Variants in NEB observed in about 807,000 individuals in gnomAD.
NEB encodes the protein nebulin.
In NEB, 512 loss-of-function variants were observed where a neutral mutation model predicts 952.2. That is an observed-to-expected ratio of 0.54 (90% CI 0.50 to 0.58). The LOEUF (loss-of-function observed/expected upper bound fraction) is 0.58. NEB is among the 20% of genes least tolerant of loss of function. The pLI, the probability that NEB is intolerant of heterozygous loss-of-function variation, is 0.00. For missense variants in NEB, 8,428 were observed against 9,231.1 expected (o/e 0.91, Z 3.56); for synonymous variants, 2,900 against 3,149.8 (o/e 0.92, Z 2.66).
At position 151,570,220 on chromosome 2, in the gene NEB, A is replaced by G; in HGVS notation, c.17291T>C (p.Met5764Thr). 4.3e-6 allele frequency: 7 copies of G among 1,613,814 alleles called. No individual in the cohort carries two copies. Among genetic ancestry groups the G allele is most frequent in the Non-Finnish European group, 5.9e-6 (7 of 1,179,820 alleles). The change falls in exon 109 of 182, where the codon ATG becomes ACG. Residue 5764 changes from methionine to threonine, a missense_variant. This residue lies in a region of NEB where 3,374 missense variants were observed against 3,651.5 expected (regional missense o/e 0.92). Coordinates refer to ENST00000397345, the MANE Select transcript of NEB (RefSeq NM_001164508.2). ...WKAKIQSPVDMLSILHSKNSQ... is the reference protein window; with the variant it reads ...WKAKIQSPVDTLSILHSKNSQ... Reference sequence around the variant, plus strand: ...ATTTTTAGAGTGCAGGATGGAAAGCATGTCCACAGGGCTCTGGATCTTGGC... The same window carrying G: ...ATTTTTAGAGTGCAGGATGGAAAGCGTGTCCACAGGGCTCTGGATCTTGGC...
chr2:151,554,876 C>T lies in NEB; in HGVS notation c.19428+55G>A, dbSNP rs895731911. 573 of 1,218,160 alleles carry T rather than the reference C, an allele frequency of 4.7e-4. 6 individuals carry two copies. Among genetic ancestry groups the T allele is most frequent in the Middle Eastern group, 9.4e-4 (5 of 5,330 alleles). The allele number at this position is 1,218,160 out of a possible 1,614,324, so 75.5% of individuals were successfully genotyped here. On this transcript the variant is annotated intron_variant, in intron 125 of 181. Coordinates refer to ENST00000397345, the MANE Select transcript of NEB (RefSeq NM_001164508.2). ...CACAACAATGAAATCACATAACGAGCGGCACATTTCTCAGAATGTATCCTA... is the reference window on the plus strand; with the variant it reads ...CACAACAATGAAATCACATAACGAGTGGCACATTTCTCAGAATGTATCCTA...
intron 13 of NEB, among the ~76,000 whole-genome samples, chr2:151,704,359 A>C (rs1420840156): frequency 7.0e-6 from 1 of 142,980 alleles, no homozygotes; most frequent in Non-Finnish European, 1.5e-5. Context: ...AGAGGCAGGC[A>C]GGCCTCCTTG....
chr2:151,677,917 C>A lies in NEB; in HGVS notation c.3526G>T (p.Asp1176Tyr). Residue 1176 changes from aspartate to tyrosine, a missense_variant, in exon 33 of 182, where the codon GAC becomes TAC. Coordinates refer to ENST00000397345, the MANE Select transcript of NEB (RefSeq NM_001164508.2). ...HHYTYLPDAMDLELSKNMMQI... is the reference protein window; with the variant it reads ...HHYTYLPDAMYLELSKNMMQI... ...ATCATGTTCTTAGACAGCTCCAGGT[C>A]CATGGCGTCAGGCAAGTAGGTGTAA... is the stretch of plus-strand genomic sequence containing the variant. 6.2e-7 allele frequency: 1 copy of A among 1,613,456 alleles called. No homozygotes were observed. The highest frequency in any genetic ancestry group is 1.1e-5 in the South Asian group (1 of 91,002).
rs1236974118 is a variant in NEB, at chr2:151,643,264, G to T, written c.8046C>A (p.Thr2682=). The part of the protein sequence containing the change: ...SLEDEKNKRA[T]QILSDHVYRQ... ...GGTAAACATGGTCACTCAAAATCTGGGTGGCTCGTTTATTTTTCTCATCCT... is the reference window on the plus strand; with the variant it reads ...GGTAAACATGGTCACTCAAAATCTGTGTGGCTCGTTTATTTTTCTCATCCT... The change falls in exon 58 of 182, where the codon ACC becomes ACA. Residue 2682 remains threonine (T), a synonymous_variant. Transcript: ENST00000397345. 1.9e-6 allele frequency: 3 copies of T among 1,613,760 alleles called. No individual in the cohort carries two copies. Among genetic ancestry groups the T allele is most frequent in the Non-Finnish European group, 2.5e-6 (3 of 1,179,792 alleles).
rs571444956 is a variant in NEB at position 151,609,830 on chromosome 2, C to G, written c.12309G>C (p.Lys4103Asn). ...GTACATCACTCTGCAGGTCATAGGC[C>G]TTTTTTGCTTGGATAATGTCGTTTT... ...PDQNDIIQAKKAYDLQSDSVY... is the reference protein window; with the variant it reads ...PDQNDIIQAKNAYDLQSDSVY... Residue 4103 changes from lysine to asparagine, a missense_variant, in exon 81 of 182, where the codon AAG (lysine) becomes AAC (asparagine). This residue lies in a region of NEB where 337 missense variants were observed against 297.5 expected (regional missense o/e 1.13). Transcript: ENST00000397345. The G allele has an allele frequency of 8.1e-6, 13 of 1,595,100 alleles. No individual in the cohort carries two copies. The South Asian group carries it at 1.3e-4, about 15-fold the overall frequency.
chr2:151,627,209 G>C lies in NEB; in HGVS notation c.10144-4C>G, dbSNP rs1362985863. 1.2e-5 allele frequency: 20 copies of C among 1,611,270 alleles called. No individual in the cohort carries two copies. The highest frequency in any genetic ancestry group is 1.7e-5 in the Non-Finnish European group (20 of 1,177,934). On this transcript the variant is annotated splice_polypyrimidine_tract_variant and splice_region_variant and intron_variant, in intron 69 of 181. Transcript: ENST00000397345. ...GGAGATCAGATTTGTAAATGTTCTG[G>C]AGAGATTAAACACAAAAGCGAGTAT...
At chr2:151,634,268 C>A (rs543627504) in intron 64 of NEB, among the ~76,000 whole-genome samples, 114 of 152,100 alleles carry the variant, frequency 7.5e-4, no homozygotes, top group Non-Finnish European at 1.4e-3. Context: ...ACATTTGAAC[C>A]AGGGAACCTG....
rs773694477 is a variant in NEB at position 151,684,939 on chromosome 2, T to C, written c.2674A>G (p.Ile892Val). The change falls in exon 28 of 182, where the codon ATC becomes GTC. Residue 892 changes from isoleucine (I) to valine (V), a missense_variant. Physicochemically the swap from Ile to Val is conservative, Grantham distance 29. Transcript: ENST00000397345. ...YRKDYEKSKT[I>V]YTAPLDMLQV... ...AGCATATCAAGAGGTGCCGTGTAGA[T>C]AGTTTTTGACTTTTCATAATCTTTT... is the stretch of plus-strand genomic sequence containing the variant. The C allele has an allele frequency of 1.2e-6, 2 of 1,612,264 alleles. No individual in the cohort carries two copies. The highest frequency in any genetic ancestry group is 2.2e-5 in the East Asian group (1 of 44,874).
chr2:151,709,579 T>C, intron 12 of NEB, 77 bp downstream of exon 12: 1 of 1,151,942 alleles, frequency 8.7e-7, no homozygotes, highest in Non-Finnish European at 1.3e-6. Flanking sequence ...TTTTTACTAA[T>C]TATATACAAG....
At chr2:151,574,005 G>T (rs2096739573) in intron 107 of NEB, among the ~76,000 whole-genome samples, 1 of 151,844 alleles carries the variant, frequency 6.6e-6, no homozygotes, top group Non-Finnish European at 1.5e-5. Flanking sequence ...ACAGAGTCTC[G>T]CTCTGTCGCC....
intron 48 of NEB, among the ~76,000 whole-genome samples, chr2:151,657,220 G>T (rs2099095104): frequency 6.6e-6 from 1 of 152,146 alleles, no homozygotes; most frequent in Admixed American, 6.5e-5. Flanking sequence ...GAGAGAATGG[G>T]ATGGGCTGGA....
chr2:151,577,856 G>A (rs1490725569), intron 105 of NEB, among the ~76,000 whole-genome samples: 1 of 152,090 alleles, frequency 6.6e-6, no homozygotes, highest in African/African-American at 2.4e-5. Flanking sequence ...TGAGATTACA[G>A]GTGTGAGCCA....
At chr2:151,601,257 C>T (rs1320348365) in intron 88 of NEB, among the ~76,000 whole-genome samples, 2 of 105,126 alleles carry the variant, frequency 1.9e-5, no homozygotes, top group African/African-American at 3.9e-5. Flanking sequence ...TACAGGCATC[C>T]GCCACCATGC....
chr2:151,523,898 T>G (rs1257555223), intron 153 of NEB, among the ~76,000 whole-genome samples: 1 of 151,958 alleles, frequency 6.6e-6, no homozygotes, highest in African/African-American at 2.4e-5. Context: ...GAAAAAAAAA[T>G]GAATATTTTC....
intron 71 of NEB, among the ~76,000 whole-genome samples, chr2:151,621,618 T>C (rs2098418232): frequency 6.6e-6 from 1 of 152,204 alleles, no homozygotes. Flanking sequence ...CTTCTGTGAA[T>C]TGAGAAAGCA....
intron 153 of NEB, chr2:151,520,101 G>A (rs1322357477): frequency 1.1e-5 from 2 of 174,080 alleles, no homozygotes; most frequent in East Asian, 3.0e-4. Flanking sequence ...TAATGTACTT[G>A]ATTTGGAGCA....
At chr2:151,615,508 C>G (rs1391779958) in intron 76 of NEB, among the ~76,000 whole-genome samples, 1 of 152,094 alleles carries the variant, frequency 6.6e-6, no homozygotes, top group African/African-American at 2.4e-5. Context: ...GACATCTCAC[C>G]AATTAGGAGT....
chr2:151,673,959 A>T (rs2099331340), intron 36 of NEB, among the ~76,000 whole-genome samples: 1 of 152,012 alleles, frequency 6.6e-6, no homozygotes, highest in African/African-American at 2.4e-5. Flanking sequence ...TGCCCGGCCA[A>T]AATTTTGTTT....
chr2:151,562,050 G>A, intron 121 of NEB, 60 bp downstream of exon 121: 2 of 1,374,472 alleles, frequency 1.5e-6, no homozygotes, highest in Non-Finnish European at 1.0e-6. Context: ...TCAGCCCACT[G>A]ACACCACCAT....
Sources: allele counts gnomAD v4.1 joint callset (sites outside exome capture counted in the v4.1 genomes callset), GRCh38; gene constraint gnomAD v4.1.1; regional missense constraint gnomAD v4.1.1; transcripts MANE v1.5; gene names NCBI Gene and HGNC (gene_info 2026-07-23, HGNC 2026-07-21).